INVS: variants seen among roughly 807,000 people sequenced by gnomAD.
INVS encodes inversion of embryo turning homolog.
In INVS, 86 loss-of-function variants were observed where a neutral mutation model predicts 108.8. The ratio of observed to expected loss-of-function variants is 0.79; its 90% CI spans 0.66 to 0.95. The LOEUF is 0.95. Ranked by LOEUF, INVS falls within the 40% of genes least tolerant of loss-of-function variation. The probability of loss-of-function intolerance (pLI) is 0.00; values close to 1 mark genes in which losing one functional copy is unlikely to be tolerated. For synonymous variants in INVS, 455 were observed against 473.5 expected (o/e 0.96, Z 0.51); for missense variants, 1,169 against 1,297.4 (o/e 0.90, Z 1.52).
At chr9:100,203,947 A>G (rs1830604802) in intron 3 of INVS, among the ~76,000 whole-genome samples, 1 of 152,164 alleles carries the variant, frequency 6.6e-6, no homozygotes, top group Non-Finnish European at 1.5e-5. Context: ...GAAACCCATT[A>G]ATTTTTTAAG....
rs556017474 is a variant in INVS, at chr9:100,146,287, G to A, written c.273+19738G>A. On this transcript the variant is annotated intron_variant, in intron 3 of 16. Coordinates refer to ENST00000262457, the MANE Select transcript of INVS (RefSeq NM_014425.5). ...GTAAAGGAAAATTACAGTCAAAGGG[G>A]GGTTGTTCTCTGGCAGGAGTGGGGG... is the stretch of plus-strand genomic sequence containing the variant. Among the ~76,000 whole-genome samples, 11 of 141,920 alleles carry A rather than the reference G, an allele frequency of 7.8e-5. No homozygotes were observed. The South Asian group carries it at 2.1e-3, about 27-fold the overall frequency. 93.1% of individuals were successfully genotyped at this position (141,920 alleles called of 152,430 possible). A position where few individuals can be genotyped will look rare whatever the true frequency, so the allele number is the denominator to read the frequency against.
At chr9:100,175,903 A>G (rs1829697313) in intron 3 of INVS, 1 of 592,600 alleles carries the variant, frequency 1.7e-6, no homozygotes, top group African/African-American at 1.8e-5. Context: ...ATGCGGTTCC[A>G]GCAAATTCTT....
Position 100,100,973 on chromosome 9 carries a change from TTATA to T in INVS, c.-25+1564_-25+1567del, listed in dbSNP as rs1263547246. Among the ~76,000 whole-genome samples, 3 of 62,322 alleles carry T rather than the reference TTATA, an allele frequency of 4.8e-5. No homozygotes were observed. In the South Asian group the frequency reaches 1.1e-3, roughly 22 times the overall value. 40.9% of individuals were successfully genotyped at this position (62,322 alleles called of 152,430 possible). A position where few individuals can be genotyped will look rare whatever the true frequency, so the allele number is the denominator to read the frequency against. On this transcript the variant is annotated intron_variant, in intron 1 of 16. Coordinates refer to ENST00000262457, the MANE Select transcript of INVS (RefSeq NM_014425.5). ...ATATATATTATATATATAATATATATTATATATATAATATATATGTATATATAAT... is the reference window on the plus strand; with the variant it reads ...ATATATATTATATATATAATATATATTATATAATATATATGTATATATAAT...
intron 3 of INVS, among the ~76,000 whole-genome samples, chr9:100,188,871 A>C (rs1830135027): frequency 6.6e-6 from 1 of 151,870 alleles, no homozygotes; most frequent in Non-Finnish European, 1.5e-5. Context: ...AGTCAATCTC[A>C]TTGCTTGTTA....
intron 3 of INVS, among the ~76,000 whole-genome samples, chr9:100,161,534 G>A (rs181362127): frequency 6.6e-6 from 1 of 152,250 alleles, no homozygotes; most frequent in East Asian, 1.9e-4. Flanking sequence ...TGGGTGTTAG[G>A]AAGGTTTTGA....
chr9:100,158,885 T>TGA (rs759950119), intron 3 of INVS, among the ~76,000 whole-genome samples: 1 of 152,148 alleles, frequency 6.6e-6, no homozygotes, highest in Non-Finnish European at 1.5e-5. Flanking sequence ...TTAGTTCATG[T>TGA]GATAGCTGGT....
chr9:100,294,000 T>C (rs1432521027), intron 14 of INVS, among the ~76,000 whole-genome samples: 1 of 152,072 alleles, frequency 6.6e-6, no homozygotes, highest in Non-Finnish European at 1.5e-5. Context: ...AAACTCCGTC[T>C]CTACAAAAAG....
chr9:100,143,567 G>A (rs1307495258), intron 3 of INVS, among the ~76,000 whole-genome samples: 1 of 152,078 alleles, frequency 6.6e-6, no homozygotes, highest in African/African-American at 2.4e-5. Flanking sequence ...AGGGGAGGAT[G>A]TGAAGGAGGC....
intron 12 of INVS, among the ~76,000 whole-genome samples, chr9:100,277,243 C>T (rs1833139854): frequency 1.3e-5 from 2 of 152,188 alleles, no homozygotes; most frequent in African/African-American, 4.8e-5. Context: ...TTTCATAAAC[C>T]AACTTTCAGA....
chr9:100,175,362 A>G, intron 3 of INVS: 1 of 771,582 alleles, frequency 1.3e-6, no homozygotes, highest in Non-Finnish European at 2.4e-6. Flanking sequence ...TCCCAAAGGC[A>G]GACAACTCAC....
chr9:100,218,611 G>A (rs547906686), intron 3 of INVS, among the ~76,000 whole-genome samples: 1 of 152,316 alleles, frequency 6.6e-6, no homozygotes, highest in East Asian at 1.9e-4. Flanking sequence ...CAGCAGTCCT[G>A]TAGAATATGA....
intron 12 of INVS, 103 bp downstream of exon 12, chr9:100,273,179 A>C: frequency 1.2e-6 from 1 of 839,520 alleles, no homozygotes; most frequent in Non-Finnish European, 2.0e-6. Context: ...ACAGATGAGA[A>C]TCTGAATTAC....
chr9:100,287,262 C>G (rs1196784253), intron 13 of INVS, among the ~76,000 whole-genome samples: 1 of 152,182 alleles, frequency 6.6e-6, no homozygotes, highest in African/African-American at 2.4e-5. Context: ...CTCAGGACAG[C>G]ATTTTCAGAA....
chr9:100,148,794 A>T (rs1828712125), intron 3 of INVS, among the ~76,000 whole-genome samples: 1 of 152,196 alleles, frequency 6.6e-6, no homozygotes, highest in Non-Finnish European at 1.5e-5. Flanking sequence ...GTCTTTCTAT[A>T]AAACCAACAC....
chr9:100,143,719 T>C (rs1828507204), intron 3 of INVS, among the ~76,000 whole-genome samples: 2 of 152,062 alleles, frequency 1.3e-5, no homozygotes, highest in South Asian at 4.2e-4. Flanking sequence ...TAAAAGAGTA[T>C]TGTCTAAGTT....
At chr9:100,224,741 G>C (rs906214783) in intron 3 of INVS, among the ~76,000 whole-genome samples, 1 of 151,562 alleles carries the variant, frequency 6.6e-6, no homozygotes, top group African/African-American at 2.4e-5. Flanking sequence ...TCAGCCTCCC[G>C]AGTAACTGGG....
chr9:100,259,624 A>C (rs1257883668), intron 10 of INVS, among the ~76,000 whole-genome samples: 2 of 116,566 alleles, frequency 1.7e-5, no homozygotes, highest in African/African-American at 3.4e-5. Flanking sequence ...TGCAACCTCC[A>C]CCTCCCGGGT....
chr9:100,264,597 G>A lies in INVS; in HGVS notation c.1465-225G>A, dbSNP rs560777249. ...CTCACCATTGCACTCCAGCCTGAGC[G>A]ACGAGAGCGAAACTCCGTCTCAAAA... On this transcript the variant is annotated intron_variant, in intron 10 of 16. Coordinates refer to ENST00000262457, the MANE Select transcript of INVS (RefSeq NM_014425.5). Among the ~76,000 whole-genome samples the A allele has an allele frequency of 2.4e-3, 345 of 145,680 alleles. 1 individual carries two copies. Among genetic ancestry groups the A allele is most frequent in the Middle Eastern group, 7.1e-3 (2 of 282 alleles).
chr9:100,232,922 T>A (rs992174025), intron 5 of INVS, among the ~76,000 whole-genome samples: 3 of 152,196 alleles, frequency 2.0e-5, no homozygotes, highest in African/African-American at 7.2e-5. Flanking sequence ...GGAAATAGCA[T>A]TGAATTTATA....
Sources: gnomAD v4.1 joint callset for allele counts (sites outside exome capture counted in the v4.1 genomes callset) on GRCh38, gnomAD v4.1.1 for gene constraint, MANE v1.5 for transcripts, NCBI Gene and HGNC (gene_info 2026-07-23, HGNC 2026-07-21) for gene names.